The following CASZ1 variants were observed in gnomAD, a reference collection of about 807,000 sequenced individuals.
CASZ1 encodes the protein zinc finger protein castor homolog 1.
CASZ1 carries 28 observed loss-of-function variants against 135.2 expected under a neutral mutation model. That is an observed-to-expected ratio of 0.21 (90% confidence interval 0.15 to 0.28). The LOEUF is 0.28. CASZ1 is among the 10% of genes least tolerant of loss of function. CASZ1 has a pLI of 1.00. For missense variants in CASZ1, 2,161 were observed against 2,453.3 expected, an observed-to-expected ratio of 0.88 and a Z score of 2.52; for synonymous variants, 1,068 against 1,073.4, an observed-to-expected ratio of 0.99 and a Z score of 0.10.
At chr1:10,640,426 C>T (rs1462381415) in intron 20 of CASZ1, among the ~76,000 whole-genome samples, 1 of 152,214 alleles carries the variant, frequency 6.6e-6, no homozygotes, top group Non-Finnish European at 1.5e-5. Context: ...CGGCAGAGTG[C>T]AATTAGCCAA....
chr1:10,737,998 T>C (rs1166709659), intron 2 of CASZ1, among the ~76,000 whole-genome samples: 1 of 152,086 alleles, frequency 6.6e-6, no homozygotes, highest in African/African-American at 2.4e-5. Context: ...ACACCCACAA[T>C]GTGCCTCATG....
At position 10,638,904 on chromosome 1, in the gene CASZ1, G is replaced by A. The variant is rs1413501619; in HGVS notation, c.*38C>T. 2 of 980,300 alleles carry A rather than the reference G, an allele frequency of 2.0e-6. No homozygotes were observed. The highest frequency in any genetic ancestry group is 2.4e-6 in the Non-Finnish European group (2 of 828,360). The allele number at this position is 980,300 out of a possible 1,614,324, so 60.7% of individuals were successfully genotyped here. On this transcript the variant is annotated 3_prime_UTR_variant, in exon 21 of 21. Transcript: ENST00000377022. The surrounding 1 kb of genome is among the most constrained non-coding windows in gnomAD (Gnocchi z 5.9). ...GCGGGGCGGCGCCGCTCCCGAGGCC[G>A]AGGCCGAGGCCGCCGCCAGGGCCAC... is the stretch of plus-strand genomic sequence containing the variant.
Position 10,717,720 on chromosome 1 carries a change from C to A in CASZ1, c.-76-12176G>T, listed in dbSNP as rs1014172951. Among the ~76,000 whole-genome samples, 20 of 152,128 alleles carry A rather than the reference C, an allele frequency of 1.3e-4. No homozygotes were observed. The highest frequency in any genetic ancestry group is 4.8e-4 in the African/African-American group (20 of 41,428). On this transcript the variant is annotated intron_variant, in intron 2 of 20. Coordinates refer to ENST00000377022, the MANE Select transcript of CASZ1 (RefSeq NM_001079843.3). This position sits in a 1 kb window ranked among gnomAD's most constrained non-coding sequence, Gnocchi z 4.6. The stretch of plus-strand genomic sequence containing the variant: ...AATTCCCCCCCAACTGATGTCAGAG[C>A]TGCCGGCACCCTGAACTCGGTCCCA...
At chr1:10,780,905 G>A (rs898847283) in intron 1 of CASZ1, among the ~76,000 whole-genome samples, 4 of 152,132 alleles carry the variant, frequency 2.6e-5, no homozygotes, top group East Asian at 1.9e-4. Flanking sequence ...GAGTCACAGC[G>A]CAGCATCTGA....
chr1:10,643,468 G>A (rs1338788813), intron 18 of CASZ1, among the ~76,000 whole-genome samples, 157 bp from the exon 19 acceptor site: 1 of 152,204 alleles, frequency 6.6e-6, no homozygotes, highest in Non-Finnish European at 1.5e-5. Flanking sequence ...AGTCTTAGGA[G>A]GAAGGTCAGG....
chr1:10,781,072 C>T (rs1640754695), intron 1 of CASZ1, among the ~76,000 whole-genome samples: 1 of 152,248 alleles, frequency 6.6e-6, no homozygotes, highest in Non-Finnish European at 1.5e-5. Context: ...CACCTGTCTC[C>T]CCGCTCCCCT....
chr1:10,663,469 A>G lies in CASZ1; in HGVS notation c.505+1614T>C, dbSNP rs1230980160. Among the ~76,000 whole-genome samples, 5 of 152,180 alleles carry G rather than the reference A, an allele frequency of 3.3e-5. No individual in the cohort carries two copies. The East Asian group carries it at 9.6e-4, about 29-fold the overall frequency. ...CCGCTGTCCTGACCTCAAGCTACAC[A>G]GGGTTGGGGGGCCCAGCTAGGGAGG... On this transcript the variant is annotated intron_variant, in intron 5 of 20. Transcript: ENST00000377022.
chr1:10,671,588 C>A (rs1643400474), intron 4 of CASZ1, among the ~76,000 whole-genome samples: 1 of 152,202 alleles, frequency 6.6e-6, no homozygotes, highest in Non-Finnish European at 1.5e-5. Context: ...TTGGTCCCCT[C>A]CCCTCTCTGT....
intron 4 of CASZ1, among the ~76,000 whole-genome samples, chr1:10,683,511 C>T (rs540706233): frequency 1.3e-5 from 2 of 152,254 alleles, no homozygotes; most frequent in Admixed American, 6.5e-5. Flanking sequence ...CCCAGTGAAC[C>T]GGGGGGCAAG....
chr1:10,681,896 C>T (rs752302828), intron 4 of CASZ1, among the ~76,000 whole-genome samples: 3 of 151,316 alleles, frequency 2.0e-5, no homozygotes, highest in Non-Finnish European at 2.9e-5. Context: ...CACCTCCAAA[C>T]GCCCTTCACA....
chr1:10,709,970 A>G lies in CASZ1; in HGVS notation c.-76-4426T>C, dbSNP rs1639255691. The stretch of plus-strand genomic sequence containing the variant: ...GCTGTCCAGACCCCGGAGTCGGAGC[A>G]GGCCTCCGGATTGGCTCTGGGCTCT... On this transcript the variant is annotated intron_variant, in intron 2 of 20. Transcript: ENST00000377022. The surrounding 1 kb of genome is among the most constrained non-coding windows in gnomAD (Gnocchi z 5.1). 6.6e-6 allele frequency among the ~76,000 whole-genome samples: 1 copy of G among 152,210 alleles called. No individual in the cohort carries two copies. Among genetic ancestry groups the G allele is most frequent in the South Asian group, 2.1e-4 (1 of 4,834 alleles).
At chr1:10,769,079 G>A (rs1026897554) in intron 1 of CASZ1, among the ~76,000 whole-genome samples, 1 of 152,222 alleles carries the variant, frequency 6.6e-6, no homozygotes, top group African/African-American at 2.4e-5. Flanking sequence ...GGCGGAGGTT[G>A]CAGTGAGCAG....
chr1:10,757,407 C>A lies in CASZ1; in HGVS notation c.-77+3294G>T, dbSNP rs1232950976. Among the ~76,000 whole-genome samples the A allele has an allele frequency of 6.6e-6, 1 of 152,210 alleles. No homozygotes were observed. The highest frequency in any genetic ancestry group is 1.5e-5 in the Non-Finnish European group (1 of 68,034). Reference sequence around the variant, plus strand: ...CCCGCCTGTCCACCTCCTCCTCACCCAGCCACCATCCTCTCACACCATCGG... The same window carrying A: ...CCCGCCTGTCCACCTCCTCCTCACCAAGCCACCATCCTCTCACACCATCGG... On this transcript the variant is annotated intron_variant, in intron 2 of 20. Coordinates refer to ENST00000377022, the MANE Select transcript of CASZ1 (RefSeq NM_001079843.3). This position sits in a 1 kb window ranked among gnomAD's most constrained non-coding sequence, Gnocchi z 4.6.
At chr1:10,640,119 G>C (rs561774145) in intron 20 of CASZ1, 60 bp from the exon 21 acceptor site, 12 of 1,543,104 alleles carry the variant, frequency 7.8e-6, no homozygotes, top group Non-Finnish European at 1.0e-5. Context: ...CATCAACAGG[G>C]TTACACCCAC....
At chr1:10,785,511 C>G (rs954848297) in intron 1 of CASZ1, among the ~76,000 whole-genome samples, 5 of 152,328 alleles carry the variant, frequency 3.3e-5, no homozygotes, top group East Asian at 1.9e-4. Flanking sequence ...TGCCCCTCGC[C>G]CCTCCAGTGC....
chr1:10,698,707 T>C (rs1638996670), intron 3 of CASZ1, among the ~76,000 whole-genome samples: 1 of 151,974 alleles, frequency 6.6e-6, no homozygotes, highest in African/African-American at 2.4e-5. Flanking sequence ...AGGGGAGGGC[T>C]GAGGGGGACT....
At chr1:10,791,082 A>G (rs1172295223) in intron 1 of CASZ1, among the ~76,000 whole-genome samples, 1 of 85,662 alleles carries the variant, frequency 1.2e-5, no homozygotes, top group Non-Finnish European at 1.9e-5. Flanking sequence ...TCTTCCCATC[A>G]AAAAAAAAAA....
At chr1:10,769,247 C>T (rs1392684687) in intron 1 of CASZ1, among the ~76,000 whole-genome samples, 6 of 152,212 alleles carry the variant, frequency 3.9e-5, no homozygotes, top group Non-Finnish European at 5.9e-5. Flanking sequence ...GGGGAAGGTT[C>T]GGCGAGAACA....
Position 10,711,952 on chromosome 1 carries a change from G to A in CASZ1, c.-76-6408C>T, listed in dbSNP as rs1639293485. On this transcript the variant is annotated intron_variant, in intron 2 of 20. Transcript: ENST00000377022. This position sits in a 1 kb window ranked among gnomAD's most constrained non-coding sequence, Gnocchi z 4.4. ...GGACAGTGAGGAGGGACTGCTAAGG[G>A]GTTCAGGGTTTCTGTCTGGAGTGAT... Among the ~76,000 whole-genome samples the A allele has an allele frequency of 6.6e-6, 1 of 152,172 alleles. No individual in the cohort carries two copies. Among genetic ancestry groups the A allele is most frequent in the African/African-American group, 2.4e-5 (1 of 41,430 alleles).
Sources: gnomAD v4.1 joint callset for allele counts (sites outside exome capture counted in the v4.1 genomes callset) on GRCh38, gnomAD v4.1.1 for gene constraint, Gnocchi (gnomAD v3.1) non-coding constraint, MANE v1.5 for transcripts, NCBI Gene and HGNC (gene_info 2026-07-23, HGNC 2026-07-21) for gene names.